The following NPR1 variants were observed in gnomAD, a reference collection of about 807,000 sequenced individuals.
NPR1 encodes atrial natriuretic peptide receptor 1.
A neutral mutation model predicts 116.9 loss-of-function variants in NPR1; 57 were observed. The observed-to-expected ratio is 0.49, with a 90% CI of 0.39 to 0.61. The LOEUF is 0.61. Ranked by LOEUF, NPR1 falls within the 20% of genes least tolerant of loss-of-function variation. The pLI is 0.00. For synonymous variants in NPR1, 555 were observed against 601.6 expected, an observed-to-expected ratio of 0.92 and a Z score of 1.13; for missense variants, 1,096 against 1,409.8, an observed-to-expected ratio of 0.78 and a Z score of 3.56.
rs61758560 is a variant in NPR1, at chr1:153,686,227, T to A, written c.1758+27T>A. ...TAATGTGGGGAGTGAGGCAGTGGCA[T>A]GGAGAAGGGGCCCTCGGGGACGCAA... is the stretch of plus-strand genomic sequence containing the variant. On this transcript the variant is annotated intron_variant, in intron 10 of 21. Coordinates refer to ENST00000368680, the MANE Select transcript of NPR1 (RefSeq NM_000906.4). 4.4e-6 allele frequency: 7 copies of A among 1,606,476 alleles called. No individual in the cohort carries two copies. In the African/African-American group the frequency reaches 8.0e-5, roughly 18 times the overall value.
intron 2 of NPR1, 131 bp downstream of exon 2, chr1:153,680,831 G>A: frequency 2.7e-6 from 2 of 734,738 alleles, no homozygotes; most frequent in East Asian, 5.4e-5. Flanking sequence ...TGCACTCCTG[G>A]TAACTCACAG....
intron 8 of NPR1, among the ~76,000 whole-genome samples, chr1:153,685,323 T>TAA (rs560871763): frequency 7.0e-6 from 1 of 142,722 alleles, no homozygotes; most frequent in Non-Finnish European, 1.5e-5. Flanking sequence ...GAAAACACTT[T>TAA]AAAAAAAAAA....
Position 153,679,936 on chromosome 1 carries a change from C to T in NPR1, c.721+107C>T. ...CTCATCTGGGGGCACTCTTCTTTCT[C>T]CTCGCCGTTCTTCATTCTACTTTCA... On this transcript the variant is annotated intron_variant, in intron 1 of 21. Coordinates refer to ENST00000368680, the MANE Select transcript of NPR1 (RefSeq NM_000906.4). This position sits in a 1 kb window ranked among gnomAD's most constrained non-coding sequence, Gnocchi z 4.2. The T allele has an allele frequency of 7.1e-7, 1 of 1,399,996 alleles. No homozygotes were observed. The highest frequency in any genetic ancestry group is 9.5e-7 in the Non-Finnish European group (1 of 1,052,008). The allele number at this position is 1,399,996 out of a possible 1,614,324, so 86.7% of individuals were successfully genotyped here.
In NPR1 at chr1:153,686,634, T is replaced by C; in HGVS notation, c.1759-12T>C. On this transcript the variant is annotated splice_polypyrimidine_tract_variant and intron_variant, in intron 10 of 21. Coordinates refer to ENST00000368680, the MANE Select transcript of NPR1 (RefSeq NM_000906.4). ...GTCTCTGTCAAGCTCCTGATGCTGG[T>C]CCCACTTGCAGATGCGGGATGTGCA... The C allele has an allele frequency of 6.2e-7, 1 of 1,610,924 alleles. No individual in the cohort carries two copies. The highest frequency in any genetic ancestry group is 1.3e-5 in the African/African-American group (1 of 74,906).
chr1:153,685,866 A>G lies in NPR1; in HGVS notation c.1666A>G (p.Thr556Ala). 6.2e-7 allele frequency: 1 copy of G among 1,613,938 alleles called. No individual in the cohort carries two copies. The change falls in exon 9 of 22, where the codon ACA becomes GCA. Residue 556 changes from threonine (T) to alanine (A), a missense_variant. Physicochemically the swap from Thr to Ala is moderately conservative, Grantham distance 58. Transcript: ENST00000368680. Reference sequence around the variant, plus strand: ...GGGCCAGTTCCAAGTCTTTGCCAAGACAGCATATTATAAGGTGGGCCTGGG... The same window carrying G: ...GGGCCAGTTCCAAGTCTTTGCCAAGGCAGCATATTATAAGGTGGGCCTGGG... ...TEGQFQVFAK[T>A]AYYKGNLVAV...
chr1:153,690,249 C>T, intron 19 of NPR1, 35 bp from the exon 20 acceptor site: 2 of 1,516,118 alleles, frequency 1.3e-6, no homozygotes, highest in Non-Finnish European at 1.8e-6. Flanking sequence ...CCCTCACTCG[C>T]TGATGGGCTC....
chr1:153,687,208 G>GT lies in NPR1; in HGVS notation c.1947dup (p.Leu650SerfsTer56). On this transcript the variant is annotated frameshift_variant, in exon 13 of 22. Coordinates refer to ENST00000368680, the MANE Select transcript of NPR1 (RefSeq NM_000906.4). LOFTEE classifies it high-confidence loss of function. ...CCCACTCACATTTCCAGGGCATGCT[G>GT]TTTCTACACAATGGGGCTATCTGTT... The GT allele has an allele frequency of 6.2e-7, 1 of 1,614,118 alleles. No homozygotes were observed. The highest frequency in any genetic ancestry group is 8.5e-7 in the Non-Finnish European group (1 of 1,179,976).
Position 153,689,005 on chromosome 1 carries a change from G to A in NPR1, c.2470G>A (p.Ala824Thr), listed in dbSNP as rs142618216. Residue 824 changes from alanine to threonine, a missense_variant, in exon 16 of 22, where the codon GCG becomes ACG. Transcript: ENST00000368680. This position sits in a 1 kb window ranked among gnomAD's most constrained non-coding sequence, Gnocchi z 5.1. The stretch of plus-strand genomic sequence containing the variant: ...CCTGCTGTCCCGCATGGAGCAGTAC[G>A]CGAACAATCTGGAGGAACTGGTGGA... ...DNLLSRMEQY[A>T]NNLEELVEER... The A allele has an allele frequency of 1.1e-4, 175 of 1,614,184 alleles. No homozygotes were observed. The highest frequency in any genetic ancestry group is 7.8e-4 in the East Asian group (35 of 44,866).
intron 20 of NPR1, among the ~76,000 whole-genome samples, chr1:153,692,466 C>T (rs946252196): frequency 1.3e-5 from 2 of 151,306 alleles, no homozygotes; most frequent in African/African-American, 4.9e-5. Context: ...GCACATATGG[C>T]TACTTATCAC....
In NPR1 at chr1:153,688,224, C is replaced by T. The variant is rs1669989153; in HGVS notation, c.2417+3C>T. Reference sequence around the variant, plus strand: ...CTGACGTTGCGCAAATTTAACAGGTCCCTGGTGTTTGTCATGGATCCCCCA... The same window carrying T: ...CTGACGTTGCGCAAATTTAACAGGTTCCTGGTGTTTGTCATGGATCCCCCA... On this transcript the variant is annotated splice_donor_region_variant and intron_variant, in intron 15 of 21. Transcript: ENST00000368680. The T allele has an allele frequency of 6.2e-7, 1 of 1,612,492 alleles. No homozygotes were observed. Among genetic ancestry groups the T allele is most frequent in the Non-Finnish European group, 8.5e-7 (1 of 1,179,024 alleles).
intron 21 of NPR1, 59 bp downstream of exon 21, chr1:153,693,256 C>A: frequency 6.3e-7 from 1 of 1,599,884 alleles, no homozygotes; most frequent in South Asian, 1.1e-5. Flanking sequence ...AGTTACCCTT[C>A]TCAAGCAGCC....
intron 14 of NPR1, 79 bp from the exon 15 acceptor site, chr1:153,687,974 C>A: frequency 8.6e-7 from 1 of 1,160,784 alleles, no homozygotes; most frequent in Non-Finnish European, 1.3e-6. Flanking sequence ...CTTCCCCTGC[C>A]ATCTCAGCTG....
rs13305998 is a variant in NPR1 at position 153,687,924 on chromosome 1, G to A, written c.2249-129G>A. ...AGTCACCACCCTTTGACCCATTGCTGCCAGTGACCAGTCCCCCGCCCCCAT... is the reference window on the plus strand; with the variant it reads ...AGTCACCACCCTTTGACCCATTGCTACCAGTGACCAGTCCCCCGCCCCCAT... On this transcript the variant is annotated intron_variant, in intron 14 of 21. Transcript: ENST00000368680. 7.2e-3 allele frequency: 8,018 copies of A among 1,112,418 alleles called. 202 individuals carry two copies. Among genetic ancestry groups the A allele is most frequent in the South Asian group, 0.049 (3,239 of 65,540 alleles). 68.9% of individuals were successfully genotyped at this position (1,112,418 alleles called of 1,614,324 possible).
chr1:153,681,961 CA>C, intron 4 of NPR1, 122 bp downstream of exon 4: 1 of 1,234,948 alleles, frequency 8.1e-7, no homozygotes, highest in East Asian at 2.5e-5. Context: ...CCTTTTCCTC[CA>C]CAGCTTTTTT....
rs1348211019 is a variant in NPR1 at position 153,687,741 on chromosome 1, C to CT, written c.2201dup (p.Arg735GlufsTer25). On this transcript the variant is annotated frameshift_variant, in exon 14 of 22. Coordinates refer to ENST00000368680, the MANE Select transcript of NPR1 (RefSeq NM_000906.4). LOFTEE classifies it high-confidence loss of function. ...TGGGATCATCCTTCAGGAGATTGCC[C>CT]TGAGGAGTGGGGTCTTCCACGTGGA... The CT allele has an allele frequency of 6.2e-7, 1 of 1,604,170 alleles. No individual in the cohort carries two copies. The highest frequency in any genetic ancestry group is 8.5e-7 in the Non-Finnish European group (1 of 1,171,922).
Position 153,689,429 on chromosome 1 carries a change from C to CT in NPR1, c.2689-23dup. ...AGGTGGGGTCCCCTACTTCCTGTCT[C>CT]TCTTAGCTTCTCTTCCCTTCCAGGT... On this transcript the variant is annotated intron_variant, in intron 17 of 21. Transcript: ENST00000368680. The surrounding 1 kb of genome is among the most constrained non-coding windows in gnomAD (Gnocchi z 5.1). The CT allele has an allele frequency of 6.2e-7, 1 of 1,614,064 alleles. No homozygotes were observed. The highest frequency in any genetic ancestry group is 1.3e-5 in the African/African-American group (1 of 75,052).
chr1:153,679,210 C>T lies in NPR1; in HGVS notation c.102C>T (p.Asn34=), dbSNP rs1443313649. 7.9e-6 allele frequency: 12 copies of T among 1,520,784 alleles called. No homozygotes were observed. In the South Asian group the frequency reaches 1.5e-4, roughly 18 times the overall value. 94.2% of individuals were successfully genotyped at this position (1,520,784 alleles called of 1,614,324 possible). A position where few individuals can be genotyped will look rare whatever the true frequency, so the allele number is the denominator to read the frequency against. ...LLLLRGSHAG[N]LTVAVVLPLA... The stretch of plus-strand genomic sequence containing the variant: ...TGCTCCGGGGCAGCCACGCGGGCAA[C>T]CTGACGGTAGCCGTGGTACTGCCGC... Residue 34 remains asparagine, a synonymous_variant, in exon 1 of 22, where the codon AAC becomes AAT. Coordinates refer to ENST00000368680, the MANE Select transcript of NPR1 (RefSeq NM_000906.4). This position sits in a 1 kb window ranked among gnomAD's most constrained non-coding sequence, Gnocchi z 4.2.
chr1:153,686,503 G>T (rs1571349546), intron 10 of NPR1, 143 bp from the exon 11 acceptor site: 11 of 741,728 alleles, frequency 1.5e-5, no homozygotes, highest in Non-Finnish European at 2.5e-5. Context: ...AAAGGACATG[G>T]GTGGGAATCA....
chr1:153,681,037 T>C, intron 2 of NPR1, 143 bp from the exon 3 acceptor site: 2 of 632,018 alleles, frequency 3.2e-6, no homozygotes, highest in Non-Finnish European at 5.7e-6. Flanking sequence ...TGGGCATCAC[T>C]TCATGCAGGG....
Sources: allele counts gnomAD v4.1 joint callset (sites outside exome capture counted in the v4.1 genomes callset), GRCh38; gene constraint gnomAD v4.1.1; non-coding constraint Gnocchi (gnomAD v3.1); transcripts MANE v1.5; gene names NCBI Gene and HGNC (gene_info 2026-07-23, HGNC 2026-07-21).